Variants in PBX1 observed in about 807,000 individuals in gnomAD.
The protein encoded by PBX1 is PBX homeobox 1, also known as pre-B-cell leukemia transcription factor 1.
Under a neutral mutation model 53.4 loss-of-function variants are expected in PBX1, and 6 were observed. That is an observed-to-expected ratio of 0.11 (90% CI 0.06 to 0.22). The LOEUF (loss-of-function observed/expected upper bound fraction) is 0.22, where lower values mean the gene tolerates loss of function less well. Among genes scored for constraint, PBX1 ranks in the 10% least tolerant of loss-of-function variants. The pLI is 1.00. For missense variants in PBX1, 251 were observed against 551.4 expected, an observed-to-expected ratio of 0.46 and a Z score of 5.46; for synonymous variants, 204 against 212.3, an observed-to-expected ratio of 0.96 and a Z score of 0.34.
chr1:164,619,721 A>T (rs1042092455), intron 2 of PBX1, among the ~76,000 whole-genome samples: 2 of 152,116 alleles, frequency 1.3e-5, no homozygotes, highest in Admixed American at 1.3e-4. Flanking sequence ...CAGGAAGCTG[A>T]GGAACTCCTG....
In PBX1 at chr1:164,678,681, T is replaced by C. The variant is rs185918810; in HGVS notation, c.266-113813T>C. On this transcript the variant is annotated intron_variant, in intron 2 of 8. Transcript: ENST00000420696. ...TTTCATCAGCCAATATGTACACTTA[T>C]ATAATTATCTCAGCAAAACCCCTCT... Among the ~76,000 whole-genome samples, 676 of 152,318 alleles carry C rather than the reference T, an allele frequency of 4.4e-3. 8 individuals are homozygous for C. Among genetic ancestry groups the C allele is most frequent in the African/African-American group, 0.016 (652 of 41,566 alleles).
At chr1:164,731,803 AG>A (rs1262270824) in intron 2 of PBX1, among the ~76,000 whole-genome samples, 1 of 152,210 alleles carries the variant, frequency 6.6e-6, no homozygotes, top group African/African-American at 2.4e-5. Flanking sequence ...AGCCTTATGA[AG>A]TCTGCCACAG....
Position 164,807,471 on chromosome 1 carries a change from A to G in PBX1, c.702-71A>G. On this transcript the variant is annotated intron_variant, in intron 4 of 8. Coordinates refer to ENST00000420696, the MANE Select transcript of PBX1 (RefSeq NM_002585.4). Reference sequence around the variant, plus strand: ...AAAATTTGTCTTCTCCCAGAAGTAGATTTATTCTCTCCCATTTTATATTTA... The same window carrying G: ...AAAATTTGTCTTCTCCCAGAAGTAGGTTTATTCTCTCCCATTTTATATTTA... 5 of 1,543,130 alleles carry G rather than the reference A, an allele frequency of 3.2e-6. No homozygotes were observed. The South Asian group carries it at 6.4e-5, about 20-fold the overall frequency.
chr1:164,739,769 G>C (rs1467716627), intron 2 of PBX1, among the ~76,000 whole-genome samples: 2 of 151,492 alleles, frequency 1.3e-5, no homozygotes, highest in African/African-American at 4.8e-5. Context: ...GTGTGTGTGT[G>C]TGTGTGTGTG....
chr1:164,831,774 A>G (rs1670777604), intron 8 of PBX1, among the ~76,000 whole-genome samples: 1 of 152,184 alleles, frequency 6.6e-6, no homozygotes, highest in African/African-American at 2.4e-5. Context: ...AAATGGAAGG[A>G]CAGGGCACAT....
intron 8 of PBX1, among the ~76,000 whole-genome samples, chr1:164,831,000 A>T (rs760969346): frequency 1.3e-4 from 20 of 152,322 alleles, no homozygotes; most frequent in Non-Finnish European, 2.1e-4. Context: ...AAGGAATTAC[A>T]TAGCTTTATT....
At chr1:164,665,165 C>T (rs1044460000) in intron 2 of PBX1, among the ~76,000 whole-genome samples, 1 of 152,088 alleles carries the variant, frequency 6.6e-6, no homozygotes, top group Non-Finnish European at 1.5e-5. Flanking sequence ...CTGTATCGGT[C>T]AGAAATTTTA....
intron 2 of PBX1, among the ~76,000 whole-genome samples, chr1:164,658,715 C>A (rs1309320738): frequency 6.6e-6 from 1 of 152,196 alleles, no homozygotes; most frequent in Non-Finnish European, 1.5e-5. Context: ...GATTATTAAT[C>A]TGTAAAATTG....
intron 2 of PBX1, among the ~76,000 whole-genome samples, chr1:164,700,895 A>G (rs754432419): frequency 4.6e-5 from 7 of 152,134 alleles, no homozygotes; most frequent in Non-Finnish European, 7.3e-5. Context: ...GGCCTTGAGC[A>G]TGTCATTGAA....
intron 2 of PBX1, among the ~76,000 whole-genome samples, chr1:164,643,419 A>C (rs1405645665): frequency 6.6e-6 from 1 of 152,132 alleles, no homozygotes; most frequent in Non-Finnish European, 1.5e-5. Context: ...GTTTTTGGTG[A>C]AGGGGTTGGT....
At chr1:164,710,514 C>CGATTCTCCT (rs1663695175) in intron 2 of PBX1, among the ~76,000 whole-genome samples, 1 of 151,992 alleles carries the variant, frequency 6.6e-6, no homozygotes. Flanking sequence ...TGGGTTCAAG[C>CGATTCTCCT]GATTCTCCTG....
chr1:164,752,843 C>A (rs149244669), intron 2 of PBX1, among the ~76,000 whole-genome samples: 36 of 152,274 alleles, frequency 2.4e-4, no homozygotes, highest in East Asian at 1.5e-3. Context: ...GTGTACCATT[C>A]CACATTTACA....
intron 2 of PBX1, among the ~76,000 whole-genome samples, chr1:164,709,836 G>A (rs1393342729): frequency 1.3e-5 from 2 of 152,150 alleles, no homozygotes; most frequent in African/African-American, 4.8e-5. Context: ...ATTTTCACTT[G>A]ACAGTGAAAT....
At chr1:164,690,050 T>A (rs1265797701) in intron 2 of PBX1, among the ~76,000 whole-genome samples, 1 of 152,230 alleles carries the variant, frequency 6.6e-6, no homozygotes, top group Admixed American at 6.5e-5. Flanking sequence ...GCTTGCGATG[T>A]TATTGCAGGG....
At chr1:164,648,228 A>G (rs1366401675) in intron 2 of PBX1, among the ~76,000 whole-genome samples, 1 of 152,226 alleles carries the variant, frequency 6.6e-6, no homozygotes, top group African/African-American at 2.4e-5. Flanking sequence ...AAGGCTTATT[A>G]TTAGGGGTGT....
At chr1:164,782,176 T>C (rs2102277129) in intron 2 of PBX1, among the ~76,000 whole-genome samples, 1 of 152,256 alleles carries the variant, frequency 6.6e-6, no homozygotes, top group Admixed American at 6.5e-5. Flanking sequence ...TGGCTTCCAG[T>C]GCCCAGCCCA....
intron 2 of PBX1, among the ~76,000 whole-genome samples, chr1:164,581,343 T>C (rs112516587): frequency 0.031 from 4,709 of 151,838 alleles, 359 homozygotes; most frequent in East Asian, 0.3. Flanking sequence ...TTCTTCTGTC[T>C]CAGCCTCCCG....
At chr1:164,716,583 G>T (rs1664096593) in intron 2 of PBX1, among the ~76,000 whole-genome samples, 1 of 152,040 alleles carries the variant, frequency 6.6e-6, no homozygotes, top group Non-Finnish European at 1.5e-5. Context: ...GGCCAAGTGT[G>T]GTGGCTCACG....
intron 2 of PBX1, among the ~76,000 whole-genome samples, chr1:164,864,008 T>C (rs1672158359): frequency 6.6e-6 from 1 of 152,202 alleles, no homozygotes; most frequent in Admixed American, 6.5e-5. Flanking sequence ...ATAAGAGGAA[T>C]AGTCCCCATG....
Sources: gnomAD v4.1 joint callset for allele counts (sites outside exome capture counted in the v4.1 genomes callset) on GRCh38, gnomAD v4.1.1 for gene constraint, MANE v1.5 for transcripts, NCBI Gene and HGNC (gene_info 2026-07-23, HGNC 2026-07-21) for gene names.